The following ZC3H3 variants were observed in gnomAD, a reference collection of about 807,000 sequenced individuals.
ZC3H3 encodes the protein zinc finger CCCH-type containing 3.
A neutral mutation model predicts 77.3 loss-of-function variants in ZC3H3; 36 were observed. The ratio of observed to expected loss-of-function variants is 0.47; its 90% confidence interval spans 0.36 to 0.61. ZC3H3 has a LOEUF of 0.61. Ranked by LOEUF, ZC3H3 falls within the 20% of genes least tolerant of loss-of-function variation. ZC3H3 has a pLI of 0.00. For missense variants in ZC3H3, 1,331 were observed against 1,312.2 expected, an observed-to-expected ratio of 1.01 and a Z score of -0.22; for synonymous variants, 626 against 555.2, an observed-to-expected ratio of 1.13 and a Z score of -1.79.
chr8:143,444,758 C>A (rs1819825823), intron 9 of ZC3H3, among the ~76,000 whole-genome samples: 1 of 152,148 alleles, frequency 6.6e-6, no homozygotes, highest in African/African-American at 2.4e-5. Flanking sequence ...TCCCAGAAAG[C>A]ATCACATGTC....
chr8:143,450,045 T>A (rs1004510091), intron 9 of ZC3H3, among the ~76,000 whole-genome samples: 7 of 152,314 alleles, frequency 4.6e-5, no homozygotes, highest in African/African-American at 1.7e-4. Flanking sequence ...TCCACACTCT[T>A]CCAACCTCTG....
At chr8:143,476,909 G>A (rs565382916) in intron 4 of ZC3H3, among the ~76,000 whole-genome samples, 1 of 152,350 alleles carries the variant, frequency 6.6e-6, no homozygotes, top group South Asian at 2.1e-4. Flanking sequence ...TCTGGGCCAG[G>A]GTGGGGTGCC....
chr8:143,469,839 C>T (rs985718349), intron 5 of ZC3H3, among the ~76,000 whole-genome samples: 1 of 152,206 alleles, frequency 6.6e-6, no homozygotes, highest in Non-Finnish European at 1.5e-5. Flanking sequence ...CGCGCATGAT[C>T]CTTCCCAGAC....
At chr8:143,471,572 G>A (rs1163319650) in intron 5 of ZC3H3, among the ~76,000 whole-genome samples, 2 of 152,244 alleles carry the variant, frequency 1.3e-5, no homozygotes, top group Non-Finnish European at 2.9e-5. Flanking sequence ...CCACATATGG[G>A]CCATGCTCAC....
intron 4 of ZC3H3, among the ~76,000 whole-genome samples, chr8:143,480,026 G>C (rs1229018641): frequency 6.6e-6 from 1 of 152,196 alleles, no homozygotes; most frequent in Non-Finnish European, 1.5e-5. Flanking sequence ...GAAAGCCCCT[G>C]TCCTGCCTCA....
intron 9 of ZC3H3, 145 bp from the exon 10 acceptor site, chr8:143,441,265 T>A: frequency 1.1e-6 from 1 of 887,862 alleles, no homozygotes; most frequent in African/African-American, 1.8e-5. Flanking sequence ...AGGCTTCCTC[T>A]TGGAAGGCTG....
In ZC3H3 at chr8:143,494,448, C is replaced by T. The variant is rs1428582428; in HGVS notation, c.1715+13298G>A. 2.0e-5 allele frequency among the ~76,000 whole-genome samples: 3 copies of T among 152,126 alleles called. No homozygotes were observed. Among genetic ancestry groups the T allele is most frequent in the Admixed American group, 1.3e-4 (2 of 15,282 alleles). On this transcript the variant is annotated intron_variant, in intron 4 of 11. Transcript: ENST00000262577. The surrounding 1 kb of genome is among the most constrained non-coding windows in gnomAD (Gnocchi z 5.3). ...GGATGGGGCTCCGGCAGATGACCCCCGAGGGGTGAGCACAGGACCTCACCC... is the reference window on the plus strand; with the variant it reads ...GGATGGGGCTCCGGCAGATGACCCCTGAGGGGTGAGCACAGGACCTCACCC...
chr8:143,533,331 C>T lies in ZC3H3; in HGVS notation c.1561+2926G>A, dbSNP rs954122353. Among the ~76,000 whole-genome samples, 1 of 152,224 alleles carries T rather than the reference C, an allele frequency of 6.6e-6. No individual in the cohort carries two copies. On this transcript the variant is annotated intron_variant, in intron 3 of 11. Coordinates refer to ENST00000262577, the MANE Select transcript of ZC3H3 (RefSeq NM_015117.3). The surrounding 1 kb of genome is among the most constrained non-coding windows in gnomAD (Gnocchi z 4.0). ...AGAGCTGAGCCCTATTCGCTCCTCTCTGCTCAGGTCACCTCCTCAGAGAAG... is the reference window on the plus strand; with the variant it reads ...AGAGCTGAGCCCTATTCGCTCCTCTTTGCTCAGGTCACCTCCTCAGAGAAG...
intron 3 of ZC3H3, among the ~76,000 whole-genome samples, chr8:143,535,580 A>AC (rs768789587): frequency 1.5e-3 from 234 of 151,448 alleles, no homozygotes; most frequent in Non-Finnish European, 2.6e-3. Flanking sequence ...CTCACCACAT[A>AC]CCCCCAACCA....
At chr8:143,475,983 G>A (rs1563849014) in intron 4 of ZC3H3, among the ~76,000 whole-genome samples, 1 of 152,220 alleles carries the variant, frequency 6.6e-6, no homozygotes, top group Non-Finnish European at 1.5e-5. Context: ...GCTGTGTGCT[G>A]CAGGGTAAGG....
chr8:143,529,056 G>A (rs144823509), intron 3 of ZC3H3, among the ~76,000 whole-genome samples: 29 of 152,332 alleles, frequency 1.9e-4, no homozygotes, highest in African/African-American at 6.7e-4. Flanking sequence ...AATGGACCAC[G>A]GCCCACCTCA....
At chr8:143,441,203 C>A in intron 9 of ZC3H3, 83 bp from the exon 10 acceptor site, 4 of 1,320,622 alleles carry the variant, frequency 3.0e-6, no homozygotes, top group Non-Finnish European at 2.9e-6. Flanking sequence ...CCAGGCCAGG[C>A]CCCCCGAGTA....
rs1822681550 is a variant in ZC3H3 at position 143,533,299 on chromosome 8, C to T, written c.1561+2958G>A. On this transcript the variant is annotated intron_variant, in intron 3 of 11. Coordinates refer to ENST00000262577, the MANE Select transcript of ZC3H3 (RefSeq NM_015117.3). This position sits in a 1 kb window ranked among gnomAD's most constrained non-coding sequence, Gnocchi z 4.0. ...AGTAAGCTCGTTCCCACCTCCACCTCGGCCTCAGAGCTGAGCCCTATTCGC... is the reference window on the plus strand; with the variant it reads ...AGTAAGCTCGTTCCCACCTCCACCTTGGCCTCAGAGCTGAGCCCTATTCGC... 1.3e-5 allele frequency among the ~76,000 whole-genome samples: 2 copies of T among 152,202 alleles called. No homozygotes were observed. The highest frequency in any genetic ancestry group is 2.4e-5 in the African/African-American group (1 of 41,450).
intron 3 of ZC3H3, among the ~76,000 whole-genome samples, chr8:143,511,994 G>A (rs867257262): frequency 1.3e-5 from 2 of 152,254 alleles, no homozygotes; most frequent in African/African-American, 2.4e-5. Flanking sequence ...CAGACAGGAC[G>A]GCGTGGGGCC....
Position 143,527,892 on chromosome 8 carries a change from G to A in ZC3H3, c.1561+8365C>T, listed in dbSNP as rs150716845. ...TGACCCCATTCACAGATAGGGCACC[G>A]AGCACCAGCAAGGAGAACGGGCAGA... is the stretch of plus-strand genomic sequence containing the variant. On this transcript the variant is annotated intron_variant, in intron 3 of 11. Transcript: ENST00000262577. Among the ~76,000 whole-genome samples the A allele has an allele frequency of 2.4e-4, 36 of 152,302 alleles. No individual in the cohort carries two copies. In the East Asian group the frequency reaches 6.0e-3, roughly 25 times the overall value.
At chr8:143,478,809 C>T (rs1049060941) in intron 4 of ZC3H3, among the ~76,000 whole-genome samples, 4 of 152,258 alleles carry the variant, frequency 2.6e-5, no homozygotes, top group Non-Finnish European at 4.4e-5. Context: ...TGCGCCCAGC[C>T]GCCCCTGCTC....
intron 4 of ZC3H3, among the ~76,000 whole-genome samples, chr8:143,496,189 C>T (rs182746236): frequency 0.012 from 1,774 of 152,192 alleles, 157 homozygotes; most frequent in Admixed American, 0.11. Context: ...TGTCAGGGTG[C>T]GGGTGTGCAT....
chr8:143,490,959 C>G (rs879553381), intron 4 of ZC3H3, among the ~76,000 whole-genome samples: 1 of 152,200 alleles, frequency 6.6e-6, no homozygotes, highest in African/African-American at 2.4e-5. Flanking sequence ...TTACGACCAC[C>G]TCTAAAACCA....
intron 5 of ZC3H3, among the ~76,000 whole-genome samples, chr8:143,468,912 A>C (rs747502244): frequency 2.6e-5 from 4 of 152,190 alleles, no homozygotes; most frequent in Non-Finnish European, 5.9e-5. Context: ...TCTCCAGGGC[A>C]GGGTCCGGGC....
Sources: gnomAD v4.1 joint callset for allele counts (sites outside exome capture counted in the v4.1 genomes callset) on GRCh38, gnomAD v4.1.1 for gene constraint, Gnocchi (gnomAD v3.1) non-coding constraint, MANE v1.5 for transcripts, NCBI Gene and HGNC (gene_info 2026-07-23, HGNC 2026-07-21) for gene names.